PRKN: variants seen among roughly 807,000 people sequenced by gnomAD.
The protein encoded by PRKN is E3 ubiquitin-protein ligase parkin.
In PRKN, 56 loss-of-function variants were observed where a neutral mutation model predicts 59.5. That is an observed-to-expected ratio of 0.94 (90% CI 0.76 to 1.18). The LOEUF is 1.18. Among genes scored for constraint, PRKN ranks in the 50% most tolerant of loss-of-function variants. The pLI is 0.00. For synonymous variants in PRKN, 250 were observed against 222.1 expected, an observed-to-expected ratio of 1.13 and a Z score of -1.12; for missense variants, 657 against 596.4, an observed-to-expected ratio of 1.10 and a Z score of -1.06.
chr6:162,200,387 C>T (rs1784676175), intron 4 of PRKN, among the ~76,000 whole-genome samples: 1 of 152,114 alleles, frequency 6.6e-6, no homozygotes, highest in South Asian at 2.1e-4. Flanking sequence ...CAGTCTGTTT[C>T]CCAGCTACTC....
At chr6:162,239,835 C>A (rs751205530) in intron 3 of PRKN, among the ~76,000 whole-genome samples, 1 of 151,262 alleles carries the variant, frequency 6.6e-6, no homozygotes, top group East Asian at 1.9e-4. Context: ...TATTTTGGTC[C>A]AATCACTACT....
intron 4 of PRKN, among the ~76,000 whole-genome samples, chr6:162,090,553 T>C (rs1779444935): frequency 6.6e-6 from 1 of 152,216 alleles, no homozygotes; most frequent in African/African-American, 2.4e-5. Context: ...TTTCTCTTAA[T>C]ATTCTCTTAT....
chr6:161,742,969 G>A (rs892569048), intron 7 of PRKN, among the ~76,000 whole-genome samples: 1 of 152,140 alleles, frequency 6.6e-6, no homozygotes, highest in African/African-American at 2.4e-5. Flanking sequence ...TTCTGATAGA[G>A]AATATTTAGT....
chr6:161,900,354 T>C (rs2128234753), intron 6 of PRKN, among the ~76,000 whole-genome samples: 1 of 149,348 alleles, frequency 6.7e-6, no homozygotes, highest in South Asian at 2.1e-4. Flanking sequence ...GAGCTTTGGG[T>C]GACGCCAATA....
intron 1 of PRKN, among the ~76,000 whole-genome samples, chr6:162,524,606 C>T (rs367731710): frequency 2.6e-5 from 4 of 152,206 alleles, no homozygotes; most frequent in African/African-American, 2.4e-5. Flanking sequence ...GAATTCTTTA[C>T]AAAGTCAAAA....
chr6:162,410,629 T>C (rs749916150), intron 2 of PRKN, among the ~76,000 whole-genome samples: 7 of 152,250 alleles, frequency 4.6e-5, no homozygotes, highest in East Asian at 1.9e-4. Flanking sequence ...GCAGAGGTGA[T>C]TGAAAGTGAA....
At chr6:161,823,323 C>T (rs1242587599) in intron 6 of PRKN, among the ~76,000 whole-genome samples, 2 of 152,010 alleles carry the variant, frequency 1.3e-5, no homozygotes, top group Non-Finnish European at 2.9e-5. Flanking sequence ...GAAATAAATT[C>T]CATTCATTCA....
rs576250985 is a variant in PRKN at position 161,797,170 on chromosome 6, A to C, written c.735-11262T>G. On this transcript the variant is annotated intron_variant, in intron 6 of 11. Coordinates refer to ENST00000366898, the MANE Select transcript of PRKN (RefSeq NM_004562.3). The stretch of plus-strand genomic sequence containing the variant: ...TGACTCACCAAAACCCTGCACAAAC[A>C]ATTGTGTACCGGTTTTTCATTCATT... 4.9e-4 allele frequency among the ~76,000 whole-genome samples: 75 copies of C among 152,300 alleles called. 1 individual carries two copies. The Middle Eastern group carries it at 0.024, about 49-fold the overall frequency.
At chr6:162,674,424 G>A (rs924125714) in intron 1 of PRKN, among the ~76,000 whole-genome samples, 3 of 152,158 alleles carry the variant, frequency 2.0e-5, no homozygotes, top group African/African-American at 7.2e-5. Context: ...GTAGGAACTA[G>A]GACATGAAAG....
chr6:162,569,248 CA>C, intron 1 of PRKN: 2 of 581,264 alleles, frequency 3.4e-6, no homozygotes, highest in Non-Finnish European at 6.5e-6. Context: ...CTGAGGGCCT[CA>C]AAAGCCAGAG....
chr6:162,304,777 C>G (rs1015210816), intron 2 of PRKN, among the ~76,000 whole-genome samples: 9 of 142,112 alleles, frequency 6.3e-5, no homozygotes, highest in South Asian at 4.2e-4. Context: ...CCTGGAGGCC[C>G]TGCTGCCAAT....
intron 1 of PRKN, among the ~76,000 whole-genome samples, chr6:162,498,602 C>T (rs1437150532): frequency 4.6e-5 from 7 of 151,006 alleles, no homozygotes; most frequent in East Asian, 2.0e-4. Flanking sequence ...TGCACCACCA[C>T]GCCTGGCTAA....
chr6:161,360,925 T>TG lies in PRKN; in HGVS notation c.1168-721dup, dbSNP rs1233425770. Among the ~76,000 whole-genome samples, 23 of 152,068 alleles carry TG rather than the reference T, an allele frequency of 1.5e-4. No homozygotes were observed. The highest frequency in any genetic ancestry group is 1.5e-5 in the Non-Finnish European group (1 of 68,022). On this transcript the variant is annotated intron_variant, in intron 10 of 11. Coordinates refer to ENST00000366898, the MANE Select transcript of PRKN (RefSeq NM_004562.3). The surrounding 1 kb of genome is among the most constrained non-coding windows in gnomAD (Gnocchi z 5.1). Reference sequence around the variant, plus strand: ...CTCTCAGATGAAACACCTTGTGCATTGGGGGTATGGAGGATTCTATGAGTT... The same window carrying TG: ...CTCTCAGATGAAACACCTTGTGCATTGGGGGGTATGGAGGATTCTATGAGTT...
chr6:162,344,019 CG>C (rs1784296181), intron 2 of PRKN, among the ~76,000 whole-genome samples: 1 of 152,122 alleles, frequency 6.6e-6, no homozygotes, highest in Admixed American at 6.5e-5. Context: ...CAGAGCTATG[CG>C]GAAAAGAATT....
intron 6 of PRKN, among the ~76,000 whole-genome samples, chr6:161,874,196 T>C (rs1332117148): frequency 1.5e-5 from 1 of 67,696 alleles, no homozygotes; most frequent in East Asian, 5.5e-4. Context: ...TAATATATAA[T>C]ATATATTATA....
chr6:161,885,861 T>C (rs1383687630), intron 6 of PRKN, among the ~76,000 whole-genome samples: 1 of 152,178 alleles, frequency 6.6e-6, no homozygotes, highest in Admixed American at 6.5e-5. Context: ...TCAGACTCTA[T>C]GTCCCAAGTT....
intron 1 of PRKN, among the ~76,000 whole-genome samples, chr6:162,607,318 A>T (rs1239875053): frequency 1.3e-5 from 2 of 152,190 alleles, no homozygotes; most frequent in Non-Finnish European, 2.9e-5. Flanking sequence ...TTGTGTCACC[A>T]AAGCCTGAAG....
At chr6:161,785,508 C>T (rs1430178443) in intron 7 of PRKN, among the ~76,000 whole-genome samples, 1 of 152,090 alleles carries the variant, frequency 6.6e-6, no homozygotes, top group Non-Finnish European at 1.5e-5. Flanking sequence ...CACAGAAAAA[C>T]TTAGTATACC....
intron 7 of PRKN, among the ~76,000 whole-genome samples, chr6:161,648,999 T>C (rs1490565200): frequency 1.3e-5 from 2 of 152,242 alleles, no homozygotes; most frequent in African/African-American, 2.4e-5. Context: ...CTTAAAACTA[T>C]ATTAGCCATC....
Sources: allele counts gnomAD v4.1 joint callset (sites outside exome capture counted in the v4.1 genomes callset), GRCh38; gene constraint gnomAD v4.1.1; non-coding constraint Gnocchi (gnomAD v3.1); transcripts MANE v1.5; gene names NCBI Gene and HGNC (gene_info 2026-07-23, HGNC 2026-07-21).